Variants in FIS1 observed in about 807,000 individuals in gnomAD.
FIS1 encodes fission, mitochondrial 1, also known as mitochondrial fission 1 protein.
Under a neutral mutation model 21.6 loss-of-function variants are expected in FIS1, and 16 were observed. The observed-to-expected ratio is 0.74, with a 90% CI of 0.50 to 1.12. FIS1 has a LOEUF of 1.12. FIS1 is among the 50% of genes most tolerant of loss of function. FIS1 has a pLI of 0.00. For synonymous variants in FIS1, 92 were observed against 82.2 expected, an observed-to-expected ratio of 1.12 and a Z score of -0.65; for missense variants, 198 against 190.9, an observed-to-expected ratio of 1.04 and a Z score of -0.22.
intron 3 of FIS1, 96 bp downstream of exon 3, chr7:101,240,734 C>T (rs544930378): frequency 3.2e-5 from 39 of 1,219,216 alleles, no homozygotes; most frequent in Admixed American, 5.1e-5. Flanking sequence ...TGCACCCCTT[C>T]AGCCTTCCCG....
chr7:101,244,007 C>T lies in FIS1; in HGVS notation c.178G>A (p.Glu60Lys), dbSNP rs1269192380. 4.3e-6 allele frequency: 7 copies of T among 1,612,624 alleles called. No homozygotes were observed. The highest frequency in any genetic ancestry group is 5.9e-6 in the Non-Finnish European group (7 of 1,179,484). Residue 60 changes from glutamate to lysine, a missense_variant and splice_region_variant, in exon 2 of 5, where the codon GAG becomes AAG. By Grantham distance (56) the Glu-to-Lys change is moderately conservative. Transcript: ENST00000223136. ...GGAAAGGGAGAGTACAGCGCCTCAC[C>T]CTCGAGCAGCACGATGCCTTTACGG... ...DIRKGIVLLE[E>K]LLPKGSKEEQ...
chr7:101,241,476 C>A (rs1466672136), intron 2 of FIS1: 2 of 151,952 alleles, frequency 1.3e-5, no homozygotes, highest in Non-Finnish European at 2.9e-5. Flanking sequence ...CTGCCCTGGC[C>A]TCCCAAAGTG....
intron 4 of FIS1, 40 bp downstream of exon 4, chr7:101,240,102 G>A: frequency 6.3e-7 from 1 of 1,598,276 alleles, no homozygotes; most frequent in Non-Finnish European, 8.6e-7. Flanking sequence ...GCCCAGGCGT[G>A]GGGAAGAGCG....
At chr7:101,244,201 ACATGC>A in intron 1 of FIS1, 62 bp from the exon 2 acceptor site, 1 of 1,565,868 alleles carries the variant, frequency 6.4e-7, no homozygotes, top group Non-Finnish European at 8.7e-7. Context: ...CTCTATCTGG[ACATGC>A]CATCTCCCTG....
chr7:101,240,124 A>C lies in FIS1; in HGVS notation c.361+18T>G, dbSNP rs1562907209. On this transcript the variant is annotated intron_variant, in intron 4 of 4. Coordinates refer to ENST00000223136, the MANE Select transcript of FIS1 (RefSeq NM_016068.3). ...CGTGGGGAAGAGCGGGGCTGAACAAAGGGGCCGAGGCTGTCACCTTTCTTC... is the reference window on the plus strand; with the variant it reads ...CGTGGGGAAGAGCGGGGCTGAACAACGGGGCCGAGGCTGTCACCTTTCTTC... The C allele has an allele frequency of 6.2e-7, 1 of 1,613,230 alleles. No homozygotes were observed. The highest frequency in any genetic ancestry group is 1.6e-4 in the Middle Eastern group (1 of 6,062).
intron 2 of FIS1, 102 bp downstream of exon 2, chr7:101,243,905 G>T: frequency 7.0e-7 from 1 of 1,426,050 alleles, no homozygotes; most frequent in Non-Finnish European, 9.4e-7. Flanking sequence ...AGCCCTTGGT[G>T]CAGTAAATCT....
intron 3 of FIS1, among the ~76,000 whole-genome samples, chr7:101,240,545 C>A (rs1798731854): frequency 6.6e-6 from 1 of 152,242 alleles, no homozygotes; most frequent in South Asian, 2.1e-4. Context: ...TCGACCTCCA[C>A]CCACTCCCTC....
chr7:101,241,427 G>A (rs1798745638), intron 2 of FIS1, among the ~76,000 whole-genome samples: 1 of 151,650 alleles, frequency 6.6e-6, no homozygotes, highest in African/African-American at 2.4e-5. Context: ...CACCATGTTG[G>A]CCAGGCTGGT....
chr7:101,242,829 A>G (rs1438846077), intron 2 of FIS1, among the ~76,000 whole-genome samples: 3 of 152,074 alleles, frequency 2.0e-5, no homozygotes, highest in Non-Finnish European at 2.9e-5. Context: ...TAACACAGTC[A>G]GCATTCTGTA....
Position 101,244,948 on chromosome 7 carries a change from G to T in FIS1, c.45+12C>A. The T allele has an allele frequency of 6.2e-7, 1 of 1,613,998 alleles. No individual in the cohort carries two copies. Among genetic ancestry groups the T allele is most frequent in the Non-Finnish European group, 8.5e-7 (1 of 1,179,928 alleles). On this transcript the variant is annotated intron_variant, in intron 1 of 4. Coordinates refer to ENST00000223136, the MANE Select transcript of FIS1 (RefSeq NM_016068.3). ...CGACCTTCCCTTTCCCTCTGTCCGG[G>T]CCAGGCCTCACCAGCAGGTCCTCCA...
At chr7:101,244,312 C>T (rs1798785903) in intron 1 of FIS1, among the ~76,000 whole-genome samples, 173 bp from the exon 2 acceptor site, 1 of 152,150 alleles carries the variant, frequency 6.6e-6, no homozygotes, top group Non-Finnish European at 1.5e-5. Flanking sequence ...TCCGGGCCTG[C>T]GGGCCAGCTC....
At chr7:101,241,044 TC>T in intron 2 of FIS1, 138 bp from the exon 3 acceptor site, 1 of 785,676 alleles carries the variant, frequency 1.3e-6, no homozygotes, top group Non-Finnish European at 2.1e-6. Flanking sequence ...CCCTTTCAGC[TC>T]CAGTCACTCC....
Position 101,239,541 on chromosome 7 carries a change from C to T in FIS1, c.*265G>A, listed in dbSNP as rs960017056. On this transcript the variant is annotated 3_prime_UTR_variant, in exon 5 of 5. Coordinates refer to ENST00000223136, the MANE Select transcript of FIS1 (RefSeq NM_016068.3). ...CTGGAGGGCAGGGGCAGGAGAGGAC[C>T]AGGAGTGACGTCTCCGCCCCCTGTG... The T allele has an allele frequency of 5.5e-6, 3 of 541,102 alleles. No individual in the cohort carries two copies. The highest frequency in any genetic ancestry group is 1.0e-5 in the Non-Finnish European group (3 of 293,942). The allele number at this position is 541,102 out of a possible 1,614,324, so 33.5% of individuals were successfully genotyped here.
intron 1 of FIS1, 39 bp from the exon 2 acceptor site, chr7:101,244,178 G>A (rs748681614): frequency 6.3e-7 from 1 of 1,597,556 alleles, no homozygotes; most frequent in Non-Finnish European, 8.5e-7. Flanking sequence ...AGAAATGTAG[G>A]GCGTCAACCA....
chr7:101,240,755 C>T, intron 3 of FIS1, 75 bp downstream of exon 3: 13 of 1,419,042 alleles, frequency 9.2e-6, no homozygotes, highest in Non-Finnish European at 1.2e-5. Flanking sequence ...CTGTCCAGGG[C>T]TCCACCCTGG....
chr7:101,240,289 G>GT (rs1278765485), intron 3 of FIS1, 42 bp from the exon 4 acceptor site: 8 of 1,583,676 alleles, frequency 5.1e-6, no homozygotes, highest in African/African-American at 1.3e-5. Context: ...ACACCGCAGT[G>GT]TTTTTTTGTT....
In FIS1 at chr7:101,239,730, A is replaced by AG; in HGVS notation, c.*75dup. ...GCCACAGAGGATAGAGACGGGGGGC[A>AG]GGGGGAGAACAGGGAAAGGACAGCG... On this transcript the variant is annotated 3_prime_UTR_variant, in exon 5 of 5. Coordinates refer to ENST00000223136, the MANE Select transcript of FIS1 (RefSeq NM_016068.3). 8.1e-7 allele frequency: 1 copy of AG among 1,229,484 alleles called. No homozygotes were observed. Among genetic ancestry groups the AG allele is most frequent in the Non-Finnish European group, 1.2e-6 (1 of 852,392 alleles). The allele number at this position is 1,229,484 out of a possible 1,614,324, so 76.2% of individuals were successfully genotyped here.
At chr7:101,240,313 A>G (rs976694799) in intron 3 of FIS1, 66 bp from the exon 4 acceptor site, 107 of 1,526,886 alleles carry the variant, frequency 7.0e-5, no homozygotes, top group Non-Finnish European at 9.7e-5. Context: ...TTGTTTTTTA[A>G]TAAGAGACGG....
intron 2 of FIS1, among the ~76,000 whole-genome samples, chr7:101,242,022 C>A (rs928535699): frequency 6.6e-6 from 1 of 152,136 alleles, no homozygotes; most frequent in Non-Finnish European, 1.5e-5. Context: ...CTCACTGCAG[C>A]CTCAAACTCC....
Sources: allele counts gnomAD v4.1 joint callset (sites outside exome capture counted in the v4.1 genomes callset), GRCh38; gene constraint gnomAD v4.1.1; transcripts MANE v1.5; gene names NCBI Gene and HGNC (gene_info 2026-07-23, HGNC 2026-07-21).